SYT14: variants seen among roughly 807,000 people sequenced by gnomAD.
The protein encoded by SYT14 is synaptotagmin-14.
Under a neutral mutation model 74.2 loss-of-function variants are expected in SYT14, and 32 were observed. The observed-to-expected ratio is 0.43, with a 90% CI of 0.33 to 0.58. The LOEUF (loss-of-function observed/expected upper bound fraction) is 0.58, where lower values mean the gene tolerates loss of function less well. Among genes scored for constraint, SYT14 ranks in the 20% least tolerant of loss-of-function variants. SYT14 has a pLI of 0.05. For missense variants in SYT14, 791 were observed against 981.8 expected, an observed-to-expected ratio of 0.81 and a Z score of 2.60; for synonymous variants, 298 against 337.7, an observed-to-expected ratio of 0.88 and a Z score of 1.29.
intron 8 of SYT14, among the ~76,000 whole-genome samples, chr1:210,159,051 CAAT>C (rs1240669344): frequency 6.6e-6 from 1 of 151,828 alleles, no homozygotes; most frequent in Admixed American, 6.6e-5. Context: ...TTAAATTTAG[CAAT>C]AATAGTAAGC....
At chr1:210,056,261 A>G (rs1480258356) in intron 5 of SYT14, among the ~76,000 whole-genome samples, 3 of 152,114 alleles carry the variant, frequency 2.0e-5, no homozygotes, top group South Asian at 2.1e-4. Flanking sequence ...GAAGGAATCT[A>G]TAGGGCATGC....
intron 1 of SYT14, among the ~76,000 whole-genome samples, chr1:209,947,748 G>A (rs991177634): frequency 5.3e-5 from 8 of 152,174 alleles, no homozygotes; most frequent in Non-Finnish European, 1.2e-4. Context: ...GTTCTACTGT[G>A]GGTAAAATGC....
chr1:210,066,482 G>T (rs2081298335), intron 5 of SYT14, among the ~76,000 whole-genome samples: 1 of 152,198 alleles, frequency 6.6e-6, no homozygotes, highest in Non-Finnish European at 1.5e-5. Context: ...GGCCAGTGAT[G>T]ATGAGCATTT....
intron 2 of SYT14, among the ~76,000 whole-genome samples, chr1:209,977,625 G>A (rs1477880531): frequency 6.6e-6 from 1 of 152,110 alleles, no homozygotes; most frequent in Admixed American, 6.5e-5. Context: ...CTTTCTCTCT[G>A]GCTGCCCTTA....
At chr1:210,074,919 C>T (rs936329979) in intron 5 of SYT14, among the ~76,000 whole-genome samples, 1 of 152,134 alleles carries the variant, frequency 6.6e-6, no homozygotes, top group Middle Eastern at 3.4e-3. Flanking sequence ...CTCAATTAGA[C>T]CCCTGCCTTA....
At chr1:210,140,313 T>C (rs1015542335) in intron 7 of SYT14, among the ~76,000 whole-genome samples, 8 of 152,180 alleles carry the variant, frequency 5.3e-5, no homozygotes, top group African/African-American at 1.9e-4. Context: ...TTGGATAAAT[T>C]TGGATAAATT....
chr1:210,143,808 CAAAA>C (rs1177169293), intron 7 of SYT14, among the ~76,000 whole-genome samples: 1 of 151,964 alleles, frequency 6.6e-6, no homozygotes, highest in Non-Finnish European at 1.5e-5. Context: ...ATTTATAACT[CAAAA>C]AAGTAAGGCA....
At chr1:210,111,823 G>A (rs1025297703) in intron 7 of SYT14, among the ~76,000 whole-genome samples, 1 of 151,360 alleles carries the variant, frequency 6.6e-6, no homozygotes, top group Admixed American at 6.5e-5. Flanking sequence ...TGCCTAAGGG[G>A]GTTCAGCGGA....
At chr1:210,002,968 G>A (rs977845246) in intron 2 of SYT14, among the ~76,000 whole-genome samples, 1 of 151,980 alleles carries the variant, frequency 6.6e-6, no homozygotes, top group Non-Finnish European at 1.5e-5. Context: ...GTATTCTCTT[G>A]TGTGATTTAT....
rs1319716659 is a variant in SYT14 at position 210,071,967 on chromosome 1, A to G, written c.1313-22355A>G. Among the ~76,000 whole-genome samples, 4 of 151,896 alleles carry G rather than the reference A, an allele frequency of 2.6e-5. No homozygotes were observed. The East Asian group carries it at 7.7e-4, about 29-fold the overall frequency. ...GAAGTTTTTATTACTGAAGAACTCA[A>G]AACTCAAGTTTACTTTCAGATTCAG... is the stretch of plus-strand genomic sequence containing the variant. On this transcript the variant is annotated intron_variant, in intron 5 of 9. Coordinates refer to ENST00000637265, the Ensembl canonical transcript of SYT14.
At chr1:210,037,724 T>A (rs2080698977) in intron 5 of SYT14, among the ~76,000 whole-genome samples, 1 of 152,050 alleles carries the variant, frequency 6.6e-6, no homozygotes, top group Non-Finnish European at 1.5e-5. Flanking sequence ...TTTGTTTAAT[T>A]TCCATATATT....
intron 7 of SYT14, among the ~76,000 whole-genome samples, chr1:210,103,482 G>A (rs1346550717): frequency 2.0e-5 from 3 of 150,170 alleles, no homozygotes; most frequent in Non-Finnish European, 3.0e-5. Context: ...CCCAGGAGGC[G>A]GAGCTTGCAG....
intron 5 of SYT14, among the ~76,000 whole-genome samples, chr1:210,072,457 A>G (rs2081412669): frequency 6.6e-6 from 1 of 152,032 alleles, no homozygotes; most frequent in Non-Finnish European, 1.5e-5. Context: ...TGTTAGAAAT[A>G]GTATGGGCAG....
chr1:209,941,511 C>T (rs908725343), intron 1 of SYT14, among the ~76,000 whole-genome samples: 7 of 152,142 alleles, frequency 4.6e-5, no homozygotes, highest in African/African-American at 1.7e-4. Context: ...AATCTGATAG[C>T]GTTGACACTT....
At chr1:210,067,485 GT>G (rs1249813675) in intron 5 of SYT14, among the ~76,000 whole-genome samples, 1 of 151,784 alleles carries the variant, frequency 6.6e-6, no homozygotes, top group East Asian at 1.9e-4. Flanking sequence ...ATGTTTTTCA[GT>G]TTTCAGATGT....
At chr1:210,005,687 A>C (rs964382212) in intron 2 of SYT14, among the ~76,000 whole-genome samples, 1 of 151,924 alleles carries the variant, frequency 6.6e-6, no homozygotes, top group African/African-American at 2.4e-5. Flanking sequence ...CTAAAACTTC[A>C]TTAGAATCAT....
chr1:210,135,468 T>G (rs2102652705), intron 7 of SYT14, among the ~76,000 whole-genome samples: 1 of 152,350 alleles, frequency 6.6e-6, no homozygotes, highest in Middle Eastern at 3.4e-3. Context: ...GTGTCTCTTC[T>G]TAACAAGCCC....
intron 2 of SYT14, among the ~76,000 whole-genome samples, chr1:209,961,259 G>C (rs2079071469): frequency 6.6e-6 from 1 of 152,144 alleles, no homozygotes; most frequent in African/African-American, 2.4e-5. Context: ...TAGAATTTGT[G>C]AAGGTGTAGA....
chr1:209,992,325 T>C (rs2079705300), intron 2 of SYT14, among the ~76,000 whole-genome samples: 1 of 152,102 alleles, frequency 6.6e-6, no homozygotes, highest in African/African-American at 2.4e-5. Context: ...ATGTGGTTTA[T>C]ATAACCATGG....
Sources: allele counts gnomAD v4.1 joint callset (sites outside exome capture counted in the v4.1 genomes callset), GRCh38; gene constraint gnomAD v4.1.1; transcripts MANE v1.5; gene names NCBI Gene and HGNC (gene_info 2026-07-23, HGNC 2026-07-21).